TMEM176B: variants seen among roughly 807,000 people sequenced by gnomAD.
The protein encoded by TMEM176B is transmembrane protein 176B.
TMEM176B carries 28 observed loss-of-function variants against 30.3 expected under a neutral mutation model. The ratio of observed to expected loss-of-function variants is 0.92; its 90% CI spans 0.68 to 1.27. TMEM176B has a LOEUF of 1.27. TMEM176B is among the 50% of genes most tolerant of loss of function. TMEM176B has a pLI of 0.00. For missense variants in TMEM176B, 349 were observed against 327.4 expected (o/e 1.07, Z -0.51); for synonymous variants, 123 against 130.3 (o/e 0.94, Z 0.38).
chr7:150,793,857 A>G (rs1798414721), intron 3 of TMEM176B, 104 bp downstream of exon 3: 10 of 1,099,258 alleles, frequency 9.1e-6, no homozygotes, highest in Non-Finnish European at 1.3e-5. Flanking sequence ...ATTTGGCTCC[A>G]GAGACTTTGG....
upstream of TMEM176B, chr7:150,800,837 G>T: frequency 1.2e-6 from 1 of 819,352 alleles, no homozygotes; most frequent in Non-Finnish European, 1.5e-6. Context: ...AGGTGAGGCG[G>T]CACCCCACTC....
chr7:150,794,099 C>T, intron 2 of TMEM176B, 28 bp from the exon 3 acceptor site: 1 of 1,587,834 alleles, frequency 6.3e-7, no homozygotes, highest in Non-Finnish European at 8.6e-7. Flanking sequence ...AAACCAGACC[C>T]CTTCCCGTGA....
intron 1 of TMEM176B, 112 bp from the exon 2 acceptor site, chr7:150,796,686 C>T (rs1417979034): frequency 3.8e-6 from 4 of 1,054,180 alleles, no homozygotes; most frequent in Non-Finnish European, 5.6e-6. Context: ...CAGCTGGGCA[C>T]AATAGCTCAC....
At position 150,792,181 on chromosome 7, in the gene TMEM176B, G is replaced by A. The variant is rs752765329; in HGVS notation, c.601-6C>T. On this transcript the variant is annotated splice_polypyrimidine_tract_variant and splice_region_variant and intron_variant, in intron 5 of 6. Coordinates refer to ENST00000326442, the MANE Select transcript of TMEM176B (RefSeq NM_001101312.2). ...CGGATTGCTGTGAACAACTTCTGGA[G>A]ATAAGGGAAGAACAAAGATAGTCAG... 5.6e-6 allele frequency: 9 copies of A among 1,613,036 alleles called. No individual in the cohort carries two copies. The highest frequency in any genetic ancestry group is 1.7e-4 in the Middle Eastern group (1 of 6,056).
chr7:150,796,423 G>C lies in TMEM176B; in HGVS notation c.147C>G (p.His49Gln). 1 of 1,614,178 alleles carries C rather than the reference G, an allele frequency of 6.2e-7. No individual in the cohort carries two copies. The highest frequency in any genetic ancestry group is 8.5e-7 in the Non-Finnish European group (1 of 1,180,036). ...CTGTGGAAGGCACAGTGTCCCCAGG[G>C]TGAAAAAGAAACTTCTTCAGAGAAC... is the stretch of plus-strand genomic sequence containing the variant. The part of the protein sequence containing the change: ...AGGSLKKFLF[H>Q]PGDTVPSTAR... The change falls in exon 2 of 7, where the codon CAC becomes CAG. Residue 49 changes from histidine (H) to glutamine (Q), a missense_variant. Physicochemically the swap from His to Gln is conservative, Grantham distance 24 (BLOSUM62 0). Transcript: ENST00000326442.
rs1490353189 is a variant in TMEM176B at position 150,799,375 on chromosome 7, A to C, written c.-6+923T>G. On this transcript the variant is annotated intron_variant, in intron 1 of 6. Transcript: ENST00000326442. Reference sequence around the variant, plus strand: ...AGCTTAATGCTAATTGGGCTGTTTCATGATCCCCTCGTGTGGTTTTTCTTT... The same window carrying C: ...AGCTTAATGCTAATTGGGCTGTTTCCTGATCCCCTCGTGTGGTTTTTCTTT... 3.9e-5 allele frequency among the ~76,000 whole-genome samples: 6 copies of C among 152,298 alleles called. No homozygotes were observed. In the East Asian group the frequency reaches 7.7e-4, roughly 20 times the overall value.
intron 1 of TMEM176B, among the ~76,000 whole-genome samples, chr7:150,798,094 T>A (rs1291042218): frequency 1.3e-5 from 2 of 152,210 alleles, no homozygotes; most frequent in African/African-American, 2.4e-5. Flanking sequence ...TTGACAAATT[T>A]ACACATTTGT....
In TMEM176B at chr7:150,793,166, A is replaced by G. The variant is rs1468028156; in HGVS notation, c.522T>C (p.Thr174=). 2 of 1,613,998 alleles carry G rather than the reference A, an allele frequency of 1.2e-6. No individual in the cohort carries two copies. Among genetic ancestry groups the G allele is most frequent in the Non-Finnish European group, 1.7e-6 (2 of 1,180,036 alleles). Residue 174 remains threonine, a synonymous_variant, in exon 5 of 7, where the codon ACT becomes ACC. Transcript: ENST00000326442. ...CDRSDPVFPT[T]GYRWMRRSQE... ...GACTTCGCCGCATCCATCTGTACCCAGTGGTAGGGAAGACAGGGTCTGAGC... is the reference window on the plus strand; with the variant it reads ...GACTTCGCCGCATCCATCTGTACCCGGTGGTAGGGAAGACAGGGTCTGAGC...
chr7:150,793,181 A>G lies in TMEM176B; in HGVS notation c.507T>C (p.Pro169=). The change falls in exon 5 of 7, where the codon CCT becomes CCC. Residue 169 remains proline (P), a synonymous_variant. Coordinates refer to ENST00000326442, the MANE Select transcript of TMEM176B (RefSeq NM_001101312.2). ...YIDTVCDRSD[P]VFPTTGYRWM... is the part of the protein sequence containing the mutation. ...ATCTGTACCCAGTGGTAGGGAAGAC[A>G]GGGTCTGAGCGATCACACACAGTGT... 6.2e-7 allele frequency: 1 copy of G among 1,614,216 alleles called. No homozygotes were observed. The highest frequency in any genetic ancestry group is 8.5e-7 in the Non-Finnish European group (1 of 1,180,040).
chr7:150,794,907 C>CCACACACACACACACACACA (rs3220239), intron 2 of TMEM176B, among the ~76,000 whole-genome samples: 1 of 141,594 alleles, frequency 7.1e-6, no homozygotes, highest in Non-Finnish European at 1.5e-5. Context: ...TCCCCTACTA[C>CCACACACACACACACACACA]CACACACACA....
intron 2 of TMEM176B, among the ~76,000 whole-genome samples, chr7:150,794,445 C>T (rs893500475): frequency 6.6e-6 from 1 of 152,144 alleles, no homozygotes; most frequent in East Asian, 1.9e-4. Context: ...CAGATCCAAA[C>T]ACACACTCTT....
At position 150,794,907 on chromosome 7, in the gene TMEM176B, CCACACACACA is replaced by C. The variant is rs3220239; in HGVS notation, c.205-846_205-837del. On this transcript the variant is annotated intron_variant, in intron 2 of 6. Coordinates refer to ENST00000326442, the MANE Select transcript of TMEM176B (RefSeq NM_001101312.2). ...TTTGTCACATCCAAATCCCCTACTA[CCACACACACA>C]CACACACACACACACACACACACAC... Among the ~76,000 whole-genome samples the C allele has an allele frequency of 9.1e-3, 1,280 of 141,408 alleles. 14 individuals are homozygous for C. The highest frequency in any genetic ancestry group is 0.024 in the African/African-American group (909 of 37,716). The allele number at this position is 141,408 out of a possible 152,430, so 92.8% of individuals were successfully genotyped here.
chr7:150,797,366 C>T (rs989962119), intron 1 of TMEM176B, among the ~76,000 whole-genome samples: 1 of 152,168 alleles, frequency 6.6e-6, no homozygotes, highest in Non-Finnish European at 1.5e-5. Context: ...CAGAGAGAGG[C>T]TCTCCAAAAG....
intron 1 of TMEM176B, among the ~76,000 whole-genome samples, chr7:150,797,504 T>C (rs900735927): frequency 6.6e-6 from 1 of 152,184 alleles, no homozygotes; most frequent in African/African-American, 2.4e-5. Context: ...ACTTACATAA[T>C]CTCTTTGAGG....
chr7:150,799,736 C>T (rs981897465), intron 1 of TMEM176B, among the ~76,000 whole-genome samples: 30 of 152,244 alleles, frequency 2.0e-4, no homozygotes, highest in African/African-American at 7.2e-4. Flanking sequence ...CCAGGCCTCG[C>T]CCTGAGGGCA....
intron 6 of TMEM176B, 43 bp from the exon 7 acceptor site, chr7:150,791,666 C>T: frequency 6.5e-7 from 1 of 1,537,960 alleles, no homozygotes; most frequent in Non-Finnish European, 8.9e-7. Context: ...GAAAAGGATG[C>T]AGGCAGAGTT....
intron 4 of TMEM176B, 39 bp from the exon 5 acceptor site, chr7:150,793,354 T>A: frequency 6.3e-7 from 1 of 1,587,006 alleles, no homozygotes; most frequent in South Asian, 1.1e-5. Context: ...GCTCCTTCAA[T>A]CGGTGGAAGA....
At chr7:150,799,768 G>A (rs961479717) in intron 1 of TMEM176B, among the ~76,000 whole-genome samples, 3 of 151,912 alleles carry the variant, frequency 2.0e-5, no homozygotes, top group East Asian at 1.9e-4. Context: ...AGCTACCTCC[G>A]GGCCCCCAGG....
chr7:150,793,228 T>G lies in TMEM176B; in HGVS notation c.460A>C (p.Thr154Pro), dbSNP rs776533039. The change falls in exon 5 of 7, where the codon ACT becomes CCT. Residue 154 changes from threonine to proline, a missense_variant. Coordinates refer to ENST00000326442, the MANE Select transcript of TMEM176B (RefSeq NM_001101312.2). ...GTGTCGATGTATAAAAAGGGTTCAG[T>G]TTGCCAGATGAAGCTATTCACGCAG... ...VLCVNSFIWQ[T>P]EPFLYIDTVC... 6.2e-7 allele frequency: 1 copy of G among 1,614,178 alleles called. No individual in the cohort carries two copies. Among genetic ancestry groups the G allele is most frequent in the Admixed American group, 1.7e-5 (1 of 60,028 alleles).
Sources: allele counts gnomAD v4.1 joint callset (sites outside exome capture counted in the v4.1 genomes callset), GRCh38; gene constraint gnomAD v4.1.1; transcripts MANE v1.5; gene names NCBI Gene and HGNC (gene_info 2026-07-23, HGNC 2026-07-21).